The following CUL3 variants were observed in gnomAD, a reference collection of about 807,000 sequenced individuals.
The protein encoded by CUL3 is cullin 3.
Under a neutral mutation model 89.1 loss-of-function variants are expected in CUL3, and 19 were observed. That is an observed-to-expected ratio of 0.21 (90% CI 0.15 to 0.31). CUL3 has a LOEUF of 0.31. Among genes scored for constraint, CUL3 ranks in the 10% least tolerant of loss-of-function variants. The pLI, the probability that CUL3 is intolerant of heterozygous loss-of-function variation, is 1.00. For synonymous variants in CUL3, 351 were observed against 308.4 expected, an observed-to-expected ratio of 1.14 and a Z score of -1.45; for missense variants, 469 against 942.3, an observed-to-expected ratio of 0.50 and a Z score of 6.58.
At chr2:224,527,830 A>C (rs1693534179) in intron 3 of CUL3, among the ~76,000 whole-genome samples, 1 of 152,158 alleles carries the variant, frequency 6.6e-6, no homozygotes, top group African/African-American at 2.4e-5. Flanking sequence ...AACAGCACAG[A>C]CCCACAGCAA....
intron 3 of CUL3, among the ~76,000 whole-genome samples, chr2:224,518,810 C>T (rs1693159692): frequency 6.6e-6 from 1 of 152,220 alleles, no homozygotes; most frequent in African/African-American, 2.4e-5. Flanking sequence ...TCTTCCCCTT[C>T]TATTTGCTAT....
intron 1 of CUL3, among the ~76,000 whole-genome samples, chr2:224,567,605 T>A (rs767990179): frequency 1.3e-5 from 2 of 151,464 alleles, no homozygotes; most frequent in Non-Finnish European, 2.9e-5. Flanking sequence ...CCGGGTGTGG[T>A]GGTGGGCGCC....
chr2:224,502,670 C>A (rs113860108), intron 10 of CUL3, among the ~76,000 whole-genome samples: 100 of 152,326 alleles, frequency 6.6e-4, no homozygotes, highest in African/African-American at 2.4e-3. Context: ...ACTCTTTCCA[C>A]AATTTATAAT....
At chr2:224,544,090 G>GA (rs1694211685) in intron 2 of CUL3, among the ~76,000 whole-genome samples, 1 of 152,170 alleles carries the variant, frequency 6.6e-6, no homozygotes, top group Non-Finnish European at 1.5e-5. Context: ...TAAGGGCTCT[G>GA]AGCAAGTCAC....
At chr2:224,566,962 C>G (rs142512545) in intron 1 of CUL3, among the ~76,000 whole-genome samples, 1 of 152,162 alleles carries the variant, frequency 6.6e-6, no homozygotes, top group Admixed American at 6.5e-5. Flanking sequence ...CAGGTAACCA[C>G]AGCTGCAGAA....
At chr2:224,564,111 C>A (rs10168101) in intron 1 of CUL3, among the ~76,000 whole-genome samples, 39,701 of 151,960 alleles carry the variant, frequency 0.26, 5,900 homozygotes, top group African/African-American at 0.41. Flanking sequence ...CATGATGAAA[C>A]TCCATCTCTA....
intron 1 of CUL3, among the ~76,000 whole-genome samples, chr2:224,561,260 G>C (rs1428208226): frequency 6.6e-6 from 1 of 152,098 alleles, no homozygotes; most frequent in Non-Finnish European, 1.5e-5. Flanking sequence ...CTGATTTTCT[G>C]CTAATATATG....
At chr2:224,569,791 A>C in intron 1 of CUL3, 6 of 1,160,042 alleles carry the variant, frequency 5.2e-6, no homozygotes, top group Non-Finnish European at 6.5e-6. Flanking sequence ...TACAAAGGAC[A>C]AGAAGTCTTT....
At chr2:224,474,586 G>C in intron 15 of CUL3, 1 of 490,144 alleles carries the variant, frequency 2.0e-6, no homozygotes, top group South Asian at 3.0e-5. Flanking sequence ...GAATGCTAAA[G>C]TGGATAGCAG....
chr2:224,498,452 T>C (rs1170203884), intron 11 of CUL3, among the ~76,000 whole-genome samples: 1 of 152,168 alleles, frequency 6.6e-6, no homozygotes, highest in African/African-American at 2.4e-5. Flanking sequence ...AATATAACAA[T>C]CATCCCTTCA....
chr2:224,494,140 CAT>C (rs1163117406), intron 13 of CUL3, among the ~76,000 whole-genome samples: 1 of 152,052 alleles, frequency 6.6e-6, no homozygotes, highest in African/African-American at 2.4e-5. Context: ...TCCATACTCC[CAT>C]ATAAATGGGA....
At chr2:224,576,719 G>C (rs887704724) in intron 1 of CUL3, among the ~76,000 whole-genome samples, 1 of 151,542 alleles carries the variant, frequency 6.6e-6, no homozygotes, top group Non-Finnish European at 1.5e-5. Context: ...AGGAGAAAGG[G>C]AGGAAAGGAA....
chr2:224,505,291 C>A (rs767774881), intron 8 of CUL3, among the ~76,000 whole-genome samples: 11 of 152,096 alleles, frequency 7.2e-5, no homozygotes, highest in Non-Finnish European at 1.3e-4. Flanking sequence ...GCATCCACCA[C>A]CATGCCCAGC....
chr2:224,576,690 G>A (rs958382999), intron 1 of CUL3, among the ~76,000 whole-genome samples: 4 of 44,644 alleles, frequency 9.0e-5, no homozygotes, highest in African/African-American at 1.8e-4. Context: ...AAAAAAAAGG[G>A]GGGGGGGGGA....
intron 13 of CUL3, among the ~76,000 whole-genome samples, chr2:224,491,110 T>A (rs1212348438): frequency 1.3e-5 from 2 of 152,202 alleles, no homozygotes; most frequent in Non-Finnish European, 2.9e-5. Flanking sequence ...TGCCTAATCT[T>A]GTGCATTTTC....
At position 224,529,131 on chromosome 2, in the gene CUL3, G is replaced by T. The variant is rs912811928; in HGVS notation, c.378+6397C>A. On this transcript the variant is annotated intron_variant, in intron 3 of 15. Coordinates refer to ENST00000264414, the MANE Select transcript of CUL3 (RefSeq NM_003590.5). ...TTTTCATAGCTTGAAAGAGAAAAAT[G>T]AACCAAATATTAATAAATACTTATG... Among the ~76,000 whole-genome samples, 18 of 151,936 alleles carry T rather than the reference G, an allele frequency of 1.2e-4. 1 individual carries two copies.
At chr2:224,522,061 A>C (rs1693285937) in intron 3 of CUL3, among the ~76,000 whole-genome samples, 1 of 146,056 alleles carries the variant, frequency 6.8e-6, no homozygotes, top group Non-Finnish European at 1.5e-5. Context: ...TTAAACTCAC[A>C]TTTAAAATTA....
chr2:224,552,487 G>T (rs1694552036), intron 2 of CUL3, among the ~76,000 whole-genome samples: 1 of 152,160 alleles, frequency 6.6e-6, no homozygotes, highest in South Asian at 2.1e-4. Flanking sequence ...TTCTATGCCT[G>T]CTTCAATTTT....
chr2:224,525,940 T>C lies in CUL3; in HGVS notation c.378+9588A>G, dbSNP rs146496804. Among the ~76,000 whole-genome samples the C allele has an allele frequency of 5.3e-5, 8 of 152,326 alleles. No homozygotes were observed. In the South Asian group the frequency reaches 1.0e-3, roughly 20 times the overall value. On this transcript the variant is annotated intron_variant, in intron 3 of 15. Transcript: ENST00000264414. ...AATCAACATATCCTTACAGATTCCATAGATAGGTTTCAGGCACCCATAAAC... is the reference window on the plus strand; with the variant it reads ...AATCAACATATCCTTACAGATTCCACAGATAGGTTTCAGGCACCCATAAAC...
Sources: allele counts gnomAD v4.1 joint callset (sites outside exome capture counted in the v4.1 genomes callset), GRCh38; gene constraint gnomAD v4.1.1; transcripts MANE v1.5; gene names NCBI Gene and HGNC (gene_info 2026-07-23, HGNC 2026-07-21).